The following ALPK2 variants were observed in gnomAD, a reference collection of about 807,000 sequenced individuals.
ALPK2 encodes alpha kinase 2, also known as alpha-protein kinase 2.
In ALPK2, 127 loss-of-function variants were observed where a neutral mutation model predicts 163.1. The ratio of observed to expected loss-of-function variants is 0.78; its 90% confidence interval spans 0.67 to 0.90. The LOEUF is 0.90. Ranked by LOEUF, ALPK2 falls within the 40% of genes least tolerant of loss-of-function variation. ALPK2 has a pLI of 0.00. For synonymous variants in ALPK2, 953 were observed against 959.1 expected (o/e 0.99, Z 0.12); for missense variants, 2,360 against 2,589.6 (o/e 0.91, Z 1.92).
rs758546959 is a variant in ALPK2 at position 58,535,287 on chromosome 18, C to A, written c.4900G>T (p.Val1634Leu). The change falls in exon 5 of 13, where the codon GTG becomes TTG. Residue 1634 changes from valine to leucine, a missense_variant. Physicochemically the swap from Val to Leu is conservative, Grantham distance 32. Transcript: ENST00000361673. The part of the protein sequence containing the change: ...SHKMEEPKIE[V>L]LQIGETKPPS... Reference sequence around the variant, plus strand: ...GGTTTGGTTTCCCCAATTTGAAGCACCTCTATTTTAGGTTCCTCCATTTTG... The same window carrying A: ...GGTTTGGTTTCCCCAATTTGAAGCAACTCTATTTTAGGTTCCTCCATTTTG... 2 of 1,614,122 alleles carry A rather than the reference C, an allele frequency of 1.2e-6. No individual in the cohort carries two copies. The highest frequency in any genetic ancestry group is 3.3e-5 in the Admixed American group (2 of 60,018).
intron 4 of ALPK2, chr18:58,577,897 A>G (rs1420508931): frequency 2.6e-5 from 4 of 152,218 alleles, no homozygotes; most frequent in Admixed American, 2.6e-4. Context: ...CTAGTACAAA[A>G]TTGGGAAAAA....
chr18:58,523,447 G>A (rs1194029734), intron 8 of ALPK2, among the ~76,000 whole-genome samples: 1 of 152,122 alleles, frequency 6.6e-6, no homozygotes, highest in Non-Finnish European at 1.5e-5. Context: ...GGATGGCTGG[G>A]TCAAATGGTA....
chr18:58,535,774 T>A lies in ALPK2; in HGVS notation c.4413A>T (p.Gln1471His). 6.2e-7 allele frequency: 1 copy of A among 1,614,246 alleles called. No individual in the cohort carries two copies. The highest frequency in any genetic ancestry group is 8.5e-7 in the Non-Finnish European group (1 of 1,180,018). Residue 1471 changes from glutamine to histidine, a missense_variant, in exon 5 of 13, where the codon CAA becomes CAT. Physicochemically the swap from Gln to His is conservative, Grantham distance 24 (BLOSUM62 0). Coordinates refer to ENST00000361673, the MANE Select transcript of ALPK2 (RefSeq NM_052947.4). ...ILSENRISRS[Q>H]EGSMKQEAEQ... ...CAGCCTCCTGCTTCATACTGCCTTC[T>A]TGGCTTCTGCTGATTCTATTTTCAC...
chr18:58,594,638 C>G (rs1211372655), intron 3 of ALPK2, among the ~76,000 whole-genome samples: 2 of 152,178 alleles, frequency 1.3e-5, no homozygotes, highest in African/African-American at 4.8e-5. Context: ...ACACCCAGCA[C>G]GCCCCAAGCC....
chr18:58,521,496 T>C (rs544453246), intron 8 of ALPK2, among the ~76,000 whole-genome samples: 9 of 152,244 alleles, frequency 5.9e-5, no homozygotes, highest in Admixed American at 5.9e-4. Context: ...TTATAACACA[T>C]GTATGCTACA....
At chr18:58,621,038 A>G (rs1252763239) in intron 1 of ALPK2, among the ~76,000 whole-genome samples, 1 of 151,760 alleles carries the variant, frequency 6.6e-6, no homozygotes, top group East Asian at 2.0e-4. Flanking sequence ...CTGTAGTCCC[A>G]GTTACTCAGG....
At chr18:58,576,243 G>A (rs1454147792) in intron 4 of ALPK2, among the ~76,000 whole-genome samples, 3 of 152,062 alleles carry the variant, frequency 2.0e-5, no homozygotes, top group South Asian at 2.1e-4. Flanking sequence ...GTGTGGTGGC[G>A]GGTGCCTGTA....
chr18:58,609,534 T>G (rs780441231), intron 2 of ALPK2, among the ~76,000 whole-genome samples: 8 of 152,228 alleles, frequency 5.3e-5, no homozygotes, highest in Non-Finnish European at 1.0e-4. Flanking sequence ...TCTGATCTCT[T>G]GGATTCCAGT....
intron 1 of ALPK2, among the ~76,000 whole-genome samples, chr18:58,618,806 C>T (rs949082079): frequency 6.6e-6 from 1 of 152,184 alleles, no homozygotes. Flanking sequence ...TCTGCATCCC[C>T]CTTCCCCTAC....
At chr18:58,521,059 G>T (rs552388781) in intron 8 of ALPK2, among the ~76,000 whole-genome samples, 1 of 152,182 alleles carries the variant, frequency 6.6e-6, no homozygotes, top group Non-Finnish European at 1.5e-5. Context: ...TTATCTGAAG[G>T]TACAAGGATA....
At chr18:58,614,135 T>C (rs555378056) in intron 1 of ALPK2, among the ~76,000 whole-genome samples, 1 of 152,082 alleles carries the variant, frequency 6.6e-6, no homozygotes, top group Non-Finnish European at 1.5e-5. Context: ...ACTTACATGA[T>C]GGGTGGAAAG....
At position 58,501,305 on chromosome 18, in the gene ALPK2, ATT is replaced by A. The variant is rs896803109; in HGVS notation, c.6247+2624_6247+2625del. On this transcript the variant is annotated intron_variant, in intron 11 of 12. Transcript: ENST00000361673. ...GAGAGCTGAATTTAATACAAAATTA[ATT>A]CGCAAGGAGAAAAGATGGGGGACAG... is the stretch of plus-strand genomic sequence containing the variant. Among the ~76,000 whole-genome samples, 65 of 152,358 alleles carry A rather than the reference ATT, an allele frequency of 4.3e-4. 1 individual carries two copies. The highest frequency in any genetic ancestry group is 1.4e-3 in the African/African-American group (60 of 41,598).
intron 4 of ALPK2, among the ~76,000 whole-genome samples, chr18:58,542,836 G>C (rs774859456): frequency 2.0e-5 from 3 of 152,188 alleles, no homozygotes; most frequent in Non-Finnish European, 4.4e-5. Context: ...GTCTGGGCAT[G>C]GGTGGTCACA....
At chr18:58,599,221 G>A (rs1323741699) in intron 3 of ALPK2, among the ~76,000 whole-genome samples, 3 of 152,202 alleles carry the variant, frequency 2.0e-5, no homozygotes, top group Non-Finnish European at 4.4e-5. Flanking sequence ...ATGACAAGCA[G>A]TGGATTCTCA....
intron 1 of ALPK2, among the ~76,000 whole-genome samples, chr18:58,613,644 A>G (rs539420822): frequency 4.6e-5 from 7 of 150,966 alleles, no homozygotes; most frequent in Non-Finnish European, 1.0e-4. Context: ...GGTTGCGGTG[A>G]GCCGAGATCA....
At chr18:58,509,159 T>A (rs1401126985) in intron 10 of ALPK2, among the ~76,000 whole-genome samples, 4 of 151,814 alleles carry the variant, frequency 2.6e-5, no homozygotes, top group Non-Finnish European at 1.5e-5. Context: ...CTTGTGATAG[T>A]TTGCTGAGAA....
chr18:58,502,401 A>G (rs977267183), intron 11 of ALPK2, among the ~76,000 whole-genome samples: 1 of 152,118 alleles, frequency 6.6e-6, no homozygotes, highest in African/African-American at 2.4e-5. Context: ...ACCATTTATT[A>G]TGTGGCAATG....
chr18:58,482,428 TAAAG>T (rs1290245349), intron 12 of ALPK2, among the ~76,000 whole-genome samples: 1 of 152,144 alleles, frequency 6.6e-6, no homozygotes, highest in Non-Finnish European at 1.5e-5. Flanking sequence ...AAGTTCTCAA[TAAAG>T]AATTTCAGAA....
chr18:58,627,136 C>T (rs1418480668), intron 1 of ALPK2, among the ~76,000 whole-genome samples: 1 of 152,162 alleles, frequency 6.6e-6, no homozygotes, highest in Admixed American at 6.5e-5. Flanking sequence ...TCTCCCACCT[C>T]CATCCAGAGT....
Sources: gnomAD v4.1 joint callset for allele counts (sites outside exome capture counted in the v4.1 genomes callset) on GRCh38, gnomAD v4.1.1 for gene constraint, MANE v1.5 for transcripts, NCBI Gene and HGNC (gene_info 2026-07-23, HGNC 2026-07-21) for gene names.